Variants in TEX35 observed in about 807,000 individuals in gnomAD.
TEX35 encodes the protein testis expressed 35.
TEX35 carries 26 observed loss-of-function variants against 31.9 expected under a neutral mutation model. That is an observed-to-expected ratio of 0.81 (90% CI 0.60 to 1.13). The LOEUF (loss-of-function observed/expected upper bound fraction) is 1.13, where lower values mean the gene tolerates loss of function less well. Ranked by LOEUF, TEX35 falls within the 50% of genes most tolerant of loss-of-function variation. The pLI, the probability that TEX35 is intolerant of heterozygous loss-of-function variation, is 0.00. For synonymous variants in TEX35, 87 were observed against 90.7 expected (o/e 0.96, Z 0.23); for missense variants, 278 against 273.5 (o/e 1.02, Z -0.12).
chr1:178,515,481 C>T (rs1466974454), intron 3 of TEX35, among the ~76,000 whole-genome samples: 1 of 152,050 alleles, frequency 6.6e-6, no homozygotes, highest in African/African-American at 2.4e-5. Flanking sequence ...TTGGATTCCT[C>T]ATGATGAGAT....
intron 8 of TEX35, chr1:178,521,963 C>T (rs896837633): frequency 2.1e-6 from 2 of 971,930 alleles, no homozygotes; most frequent in Admixed American, 2.9e-5. Context: ...TCTTAGGGTC[C>T]TCCCAACCAC....
chr1:178,523,084 A>T (rs1006421958), downstream of TEX35, among the ~76,000 whole-genome samples: 4 of 152,228 alleles, frequency 2.6e-5, no homozygotes, highest in African/African-American at 9.6e-5. Flanking sequence ...TATTTCACTA[A>T]ACATAATGAT....
At chr1:178,522,829 C>T (rs962137462), downstream of TEX35, among the ~76,000 whole-genome samples, 2 of 152,160 alleles carry the variant, frequency 1.3e-5, no homozygotes, top group Non-Finnish European at 2.9e-5. Context: ...TCCAGTTACG[C>T]TCTAAGTTAT....
At chr1:178,519,717 C>A (rs1650198476) in intron 5 of TEX35, among the ~76,000 whole-genome samples, 1 of 151,968 alleles carries the variant, frequency 6.6e-6, no homozygotes, top group Non-Finnish European at 1.5e-5. Context: ...TATGACAACC[C>A]AAACCTGTTT....
Position 178,520,653 on chromosome 1 carries a change from C to G in TEX35, c.342-20C>G. 6.2e-7 allele frequency: 1 copy of G among 1,612,110 alleles called. No individual in the cohort carries two copies. The highest frequency in any genetic ancestry group is 8.5e-7 in the Non-Finnish European group (1 of 1,178,970). On this transcript the variant is annotated intron_variant, in intron 6 of 8. Coordinates refer to ENST00000319416, the MANE Select transcript of TEX35 (RefSeq NM_032126.5). ...AATGTCTCCCCAACTCTCTGCCCCT[C>G]CCTGGCCCTCCTCCCCCAGTCCCCT... is the stretch of plus-strand genomic sequence containing the variant.
rs1265867790 is a variant in TEX35, at chr1:178,513,145, G to A, written c.-44G>A. 6.8e-6 allele frequency: 11 copies of A among 1,609,526 alleles called. No homozygotes were observed. The highest frequency in any genetic ancestry group is 8.5e-6 in the Non-Finnish European group (10 of 1,176,172). On this transcript the variant is annotated 5_prime_UTR_variant, in exon 1 of 9. Transcript: ENST00000319416. ...TGCCTAGGACAGTGGCCTGGTCCCA[G>A]GGGCTGTTGTGGGGAGTTGAAGAAC...
chr1:178,522,355 A>G lies in TEX35; in HGVS notation c.617A>G (p.Tyr206Cys), dbSNP rs1162708058. The G allele has an allele frequency of 1.9e-6, 3 of 1,605,068 alleles. No homozygotes were observed. Among genetic ancestry groups the G allele is most frequent in the Middle Eastern group, 3.3e-4 (2 of 6,042 alleles). The change falls in exon 9 of 9, where the codon TAC (tyrosine) becomes TGC (cysteine). Residue 206 changes from tyrosine (Y) to cysteine (C), a missense_variant. Tyr to Cys is a radical substitution (Grantham distance 194, BLOSUM62 -2). Coordinates refer to ENST00000319416, the MANE Select transcript of TEX35 (RefSeq NM_032126.5). The stretch of plus-strand genomic sequence containing the variant: ...ATTCCTTCAGAGGCCTCAGGCCTTT[A>G]CAAAGGTGGAGAGGAGCCAGTGACC... ...GNIPSEASGL[Y>C]KGGEEPVTTQ...
At chr1:178,522,221 T>G in intron 8 of TEX35, 104 bp from the exon 9 acceptor site, 1 of 1,413,284 alleles carries the variant, frequency 7.1e-7, no homozygotes, top group Non-Finnish European at 9.4e-7. Flanking sequence ...CAAGCAGGAC[T>G]CAGGTCCCTG....
chr1:178,520,265 A>T (rs1414262862), intron 5 of TEX35, 107 bp from the exon 6 acceptor site: 3 of 1,140,440 alleles, frequency 2.6e-6, no homozygotes, highest in Non-Finnish European at 3.8e-6. Flanking sequence ...AAGTCTAGCG[A>T]GGATTCTTGA....
At position 178,522,647 on chromosome 1, in the gene TEX35, G is replaced by GTT; in HGVS notation, c.*208_*209dup. ...TACCATCTAATAAATAATTGGCCAA[G>GTT]TTCTTTTTTTTTGGAATTTTATTAT... On this transcript the variant is annotated 3_prime_UTR_variant, in exon 9 of 9. Coordinates refer to ENST00000319416, the MANE Select transcript of TEX35 (RefSeq NM_032126.5). The GTT allele has an allele frequency of 1.6e-6, 2 of 1,234,686 alleles. No individual in the cohort carries two copies. Among genetic ancestry groups the GTT allele is most frequent in the South Asian group, 3.0e-5 (1 of 33,248 alleles). 76.5% of individuals were successfully genotyped at this position (1,234,686 alleles called of 1,614,324 possible). A position where few individuals can be genotyped will look rare whatever the true frequency, so the allele number is the denominator to read the frequency against.
At chr1:178,516,819 T>A in intron 5 of TEX35, 145 bp downstream of exon 5, 1 of 572,264 alleles carries the variant, frequency 1.7e-6, no homozygotes, top group Non-Finnish European at 3.0e-6. Context: ...GCCAAATAAT[T>A]AATTCGTTGT....
At chr1:178,516,124 G>A (rs539310792) in intron 4 of TEX35, among the ~76,000 whole-genome samples, 1 of 152,322 alleles carries the variant, frequency 6.6e-6, no homozygotes, top group Non-Finnish European at 1.5e-5. Flanking sequence ...ACTCCCTAAA[G>A]TGTCTCTTTG....
chr1:178,521,638 C>A, intron 8 of TEX35: 3 of 1,552,320 alleles, frequency 1.9e-6, no homozygotes, highest in Non-Finnish European at 2.6e-6. Context: ...TGTACCTCAA[C>A]CCCGGTGACA....
At chr1:178,520,267 G>C in intron 5 of TEX35, 105 bp from the exon 6 acceptor site, 1 of 1,170,952 alleles carries the variant, frequency 8.5e-7, no homozygotes, top group Non-Finnish European at 1.2e-6. Flanking sequence ...GTCTAGCGAG[G>C]ATTCTTGAGG....
chr1:178,515,723 C>A, intron 3 of TEX35, 136 bp from the exon 4 acceptor site: 2 of 698,030 alleles, frequency 2.9e-6, no homozygotes, highest in Non-Finnish European at 4.9e-6. Flanking sequence ...ATTGTCTCAA[C>A]AACATCTTTT....
intron 2 of TEX35, 103 bp from the exon 3 acceptor site, chr1:178,514,597 G>C: frequency 8.7e-7 from 1 of 1,152,834 alleles, no homozygotes; most frequent in Non-Finnish European, 1.3e-6. Flanking sequence ...TCTTGCCTTA[G>C]CCCTAAGGGA....
Position 178,517,093 on chromosome 1 carries a change from A to G in TEX35, c.276+419A>G, listed in dbSNP as rs543089007. ...TAAAACAGAGCCTGGGCTCATGTTC[A>G]GATGGTGCTGGGCCCTTGTAGTTTA... On this transcript the variant is annotated intron_variant, in intron 5 of 8. Transcript: ENST00000319416. Among the ~76,000 whole-genome samples the G allele has an allele frequency of 1.5e-3, 224 of 152,372 alleles. 2 individuals are homozygous for G. Among genetic ancestry groups the G allele is most frequent in the Middle Eastern group, 6.8e-3 (2 of 294 alleles).
downstream of TEX35, chr1:178,523,279 T>A (rs1440551737): frequency 1.4e-6 from 1 of 701,334 alleles, no homozygotes; most frequent in Non-Finnish European, 2.6e-6. Flanking sequence ...ATCTCTTCAA[T>A]ATGCTGATTT....
chr1:178,514,277 T>C (rs1649988925), intron 2 of TEX35, 200 bp downstream of exon 2: 1 of 1,474,684 alleles, frequency 6.8e-7, no homozygotes, highest in East Asian at 2.5e-5. Flanking sequence ...CATTCAGCAG[T>C]GTTACCTGCT....
Sources: gnomAD v4.1 joint callset for allele counts (sites outside exome capture counted in the v4.1 genomes callset) on GRCh38, gnomAD v4.1.1 for gene constraint, MANE v1.5 for transcripts, NCBI Gene and HGNC (gene_info 2026-07-23, HGNC 2026-07-21) for gene names.